Variants in PPM1H observed in about 807,000 individuals in gnomAD.
PPM1H encodes the protein protein phosphatase, Mg2+/Mn2+ dependent 1H, also known as protein phosphatase 1H.
PPM1H carries 27 observed loss-of-function variants against 54.9 expected under a neutral mutation model. The observed-to-expected ratio is 0.49, with a 90% CI of 0.36 to 0.68. The LOEUF (loss-of-function observed/expected upper bound fraction) is 0.68, where lower values mean the gene tolerates loss of function less well. Ranked by LOEUF, PPM1H falls within the 30% of genes least tolerant of loss-of-function variation. PPM1H has a pLI of 0.00. For missense variants in PPM1H, 596 were observed against 667.8 expected, an observed-to-expected ratio of 0.89 and a Z score of 1.19; for synonymous variants, 305 against 270.8, an observed-to-expected ratio of 1.13 and a Z score of -1.24.
At chr12:62,691,810 CAAAAAAA>C (rs34984420) in intron 7 of PPM1H, among the ~76,000 whole-genome samples, 1,993 of 127,818 alleles carry the variant, frequency 0.016, 55 homozygotes, top group African/African-American at 0.053. Context: ...TGCCATGTCT[CAAAAAAA>C]AAAAAAAAAA....
At position 62,644,355 on chromosome 12, in the gene PPM1H, G is replaced by A. The variant is rs1322551097; in HGVS notation, c.*4134C>T. 6.6e-6 allele frequency: 1 copy of A among 152,092 alleles called. No homozygotes were observed. The highest frequency in any genetic ancestry group is 6.5e-5 in the Admixed American group (1 of 15,280). 9.4% of individuals were successfully genotyped at this position (152,092 alleles called of 1,614,324 possible). On this transcript the variant is annotated 3_prime_UTR_variant, in exon 10 of 10. Transcript: ENST00000228705. ...AAACAGGAGTAAAATAATAACCTCAGGACTCAGGAAACAAACACAAAATAC... is the reference window on the plus strand; with the variant it reads ...AAACAGGAGTAAAATAATAACCTCAAGACTCAGGAAACAAACACAAAATAC...
At position 62,733,188 on chromosome 12, in the gene PPM1H, A is replaced by ACTGGG. The variant is rs568812107; in HGVS notation, c.954+4309_954+4313dup. On this transcript the variant is annotated intron_variant, in intron 5 of 9. Transcript: ENST00000228705. ...GAAACTAGAGGTCAAATGACTCATG[A>ACTGGG]CTGGGCTGGGCTGGGAGAAATCCAC... 4.5e-3 allele frequency among the ~76,000 whole-genome samples: 684 copies of ACTGGG among 152,246 alleles called. 6 individuals carry two copies. The highest frequency in any genetic ancestry group is 0.016 in the African/African-American group (644 of 41,534).
At chr12:62,813,404 T>C (rs2076847095) in intron 2 of PPM1H, among the ~76,000 whole-genome samples, 3 of 152,346 alleles carry the variant, frequency 2.0e-5, no homozygotes, top group South Asian at 2.1e-4. Context: ...TCATTCGGGA[T>C]GACACTGGCG....
intron 2 of PPM1H, among the ~76,000 whole-genome samples, chr12:62,824,752 A>C (rs566595302): frequency 5.5e-4 from 84 of 152,370 alleles, no homozygotes; most frequent in Non-Finnish European, 7.9e-4. Flanking sequence ...AAATTAATTG[A>C]AGATGGATTA....
chr12:62,863,633 T>A (rs1592642307), intron 1 of PPM1H, among the ~76,000 whole-genome samples: 1 of 152,200 alleles, frequency 6.6e-6, no homozygotes, highest in East Asian at 1.9e-4. Flanking sequence ...GCTTGTTAAG[T>A]AAGAGTTAAT....
chr12:62,774,908 C>T (rs908268250), intron 4 of PPM1H, among the ~76,000 whole-genome samples: 1 of 152,104 alleles, frequency 6.6e-6, no homozygotes, highest in Non-Finnish European at 1.5e-5. Context: ...GTTCTGCCGC[C>T]GGCTATCTGT....
chr12:62,898,198 G>A (rs1246929241), intron 1 of PPM1H, among the ~76,000 whole-genome samples: 1 of 152,158 alleles, frequency 6.6e-6, no homozygotes, highest in African/African-American at 2.4e-5. Flanking sequence ...ATACTTCCAA[G>A]GTTAACTAAA....
At position 62,838,207 on chromosome 12, in the gene PPM1H, C is replaced by G. The variant is rs76322560; in HGVS notation, c.246-5928G>C. Among the ~76,000 whole-genome samples, 673 of 152,184 alleles carry G rather than the reference C, an allele frequency of 4.4e-3. 6 individuals are homozygous for G. Among genetic ancestry groups the G allele is most frequent in the African/African-American group, 0.016 (650 of 41,508 alleles). On this transcript the variant is annotated intron_variant, in intron 1 of 9. Transcript: ENST00000228705. ...GACAGTTCAGGCTAAAAAGTTTACA[C>G]TAAGTGTTCATACTGGTTAGCAGAC...
chr12:62,687,321 G>A (rs1403802325), intron 8 of PPM1H, among the ~76,000 whole-genome samples: 2 of 152,202 alleles, frequency 1.3e-5, no homozygotes, highest in African/African-American at 2.4e-5. Context: ...AGGCTGGAGT[G>A]TCATGGCACA....
At chr12:62,695,989 T>C (rs540962408) in intron 6 of PPM1H, among the ~76,000 whole-genome samples, 1 of 152,180 alleles carries the variant, frequency 6.6e-6, no homozygotes, top group Admixed American at 6.5e-5. Context: ...GGAGCCTGGA[T>C]CTGGTGTAGA....
At chr12:62,682,043 C>T (rs185713971) in intron 8 of PPM1H, among the ~76,000 whole-genome samples, 34 of 152,300 alleles carry the variant, frequency 2.2e-4, no homozygotes, top group Middle Eastern at 3.4e-3. Context: ...GCAAGTGCAA[C>T]GATAGAGCTT....
chr12:62,817,483 CAAAA>C (rs1246465210), intron 2 of PPM1H, among the ~76,000 whole-genome samples: 3 of 142,398 alleles, frequency 2.1e-5, no homozygotes, highest in East Asian at 2.1e-4. Context: ...AACAAACAAA[CAAAA>C]AAAAAACTAA....
intron 1 of PPM1H, among the ~76,000 whole-genome samples, chr12:62,919,539 T>C (rs1352075096): frequency 5.3e-5 from 8 of 152,204 alleles, no homozygotes; most frequent in Non-Finnish European, 1.2e-4. Context: ...TTCAATATGA[T>C]TTTCACTACA....
intron 2 of PPM1H, among the ~76,000 whole-genome samples, chr12:62,804,138 T>G (rs928185683): frequency 1.7e-4 from 26 of 152,110 alleles, no homozygotes; most frequent in African/African-American, 6.0e-4. Context: ...CTACTTCTAT[T>G]CAATATGATA....
At chr12:62,656,715 G>A (rs892815889) in intron 9 of PPM1H, among the ~76,000 whole-genome samples, 3 of 152,082 alleles carry the variant, frequency 2.0e-5, no homozygotes, top group Non-Finnish European at 2.9e-5. Context: ...GCTGACACCC[G>A]CAGTAATACA....
chr12:62,722,200 G>A (rs542317641), intron 5 of PPM1H, among the ~76,000 whole-genome samples: 21 of 152,014 alleles, frequency 1.4e-4, no homozygotes, highest in African/African-American at 1.9e-4. Context: ...AGTGGTCAAC[G>A]GACAGCACCA....
At position 62,920,349 on chromosome 12, in the gene PPM1H, C is replaced by T. The variant is rs1222243734; in HGVS notation, c.245+14143G>A. 2.6e-5 allele frequency among the ~76,000 whole-genome samples: 4 copies of T among 152,164 alleles called. No individual in the cohort carries two copies. In the South Asian group the frequency reaches 8.3e-4, roughly 32 times the overall value. On this transcript the variant is annotated intron_variant, in intron 1 of 9. Coordinates refer to ENST00000228705, the MANE Select transcript of PPM1H (RefSeq NM_020700.2). ...AAATTGCTTTTTTTTGTTGTTGAGA[C>T]AGGGTCTCACTCTGTCACCCAAGCT...
chr12:62,888,424 A>T (rs1844646191), intron 1 of PPM1H, among the ~76,000 whole-genome samples: 4 of 152,106 alleles, frequency 2.6e-5, no homozygotes, highest in Admixed American at 2.0e-4. Context: ...GTATTTAGAG[A>T]CACTGGAATA....
chr12:62,792,251 G>A (rs539323222), intron 3 of PPM1H, among the ~76,000 whole-genome samples: 2 of 152,236 alleles, frequency 1.3e-5, no homozygotes, highest in South Asian at 4.1e-4. Context: ...TTAACTTTGG[G>A]GGAAACATTC....
Sources: allele counts gnomAD v4.1 joint callset (sites outside exome capture counted in the v4.1 genomes callset), GRCh38; gene constraint gnomAD v4.1.1; transcripts MANE v1.5; gene names NCBI Gene and HGNC (gene_info 2026-07-23, HGNC 2026-07-21).